The following RNLS variants were observed in gnomAD, a reference collection of about 807,000 sequenced individuals.
RNLS encodes renalase.
RNLS carries 39 observed loss-of-function variants against 39.8 expected under a neutral mutation model. That is an observed-to-expected ratio of 0.98 (90% CI 0.76 to 1.28). RNLS has a LOEUF of 1.28. RNLS is among the 50% of genes most tolerant of loss of function. RNLS has a pLI of 0.00. For synonymous variants in RNLS, 147 were observed against 150.7 expected (o/e 0.98, Z 0.18); for missense variants, 410 against 413.3 (o/e 0.99, Z 0.07).
In RNLS at chr10:88,285,327, C is replaced by T. The variant is rs1476250729; in HGVS notation, c.*27G>A. ...AAATTGTGAAAATAAAAACCCAATA[C>T]ACATGTAGAGAATAAGGATATAGGC... is the stretch of plus-strand genomic sequence containing the variant. On this transcript the variant is annotated 3_prime_UTR_variant, in exon 7 of 7. Transcript: ENST00000331772. 3 of 1,532,804 alleles carry T rather than the reference C, an allele frequency of 2.0e-6. No homozygotes were observed. The highest frequency in any genetic ancestry group is 2.6e-6 in the Non-Finnish European group (3 of 1,133,618). 95.0% of individuals were successfully genotyped at this position (1,532,804 alleles called of 1,614,324 possible).
chr10:88,349,617 T>C (rs1205687862), intron 5 of RNLS, among the ~76,000 whole-genome samples: 1 of 152,160 alleles, frequency 6.6e-6, no homozygotes, highest in East Asian at 1.9e-4. Flanking sequence ...TATTTGGTTT[T>C]AAAAGTGAGA....
the RNLS span, among the ~76,000 whole-genome samples, chr10:88,228,468 A>G: frequency 2.0e-5 from 3 of 152,312 alleles, no homozygotes; most frequent in African/African-American, 7.2e-5. Flanking sequence ...GAACTACCAC[A>G]TACTCTTCCA....
chr10:88,382,491 T>G (rs1309101121), intron 4 of RNLS, among the ~76,000 whole-genome samples: 1 of 152,118 alleles, frequency 6.6e-6, no homozygotes, highest in Admixed American at 6.5e-5. Context: ...GCATCAAAAA[T>G]AATTTTCTGA....
intron 6 of RNLS, among the ~76,000 whole-genome samples, chr10:88,293,005 T>C (rs1292873459): frequency 1.3e-5 from 2 of 152,030 alleles, no homozygotes; most frequent in African/African-American, 4.8e-5. Context: ...GCTGAGATCA[T>C]GCCATTGCAC....
At chr10:88,433,374 G>A (rs1342454) in intron 4 of RNLS, among the ~76,000 whole-genome samples, 5,734 of 152,172 alleles carry the variant, frequency 0.038, 144 homozygotes, top group Middle Eastern at 0.085. Context: ...GCTAGAGTAT[G>A]AGTTTTGGTT....
At chr10:88,391,369 C>G (rs575400786) in intron 4 of RNLS, among the ~76,000 whole-genome samples, 95 of 152,240 alleles carry the variant, frequency 6.2e-4, no homozygotes, top group Non-Finnish European at 1.2e-3. Context: ...ACCATCCTGG[C>G]CAACATGGTG....
At chr10:88,172,883 G>T in the RNLS span, among the ~76,000 whole-genome samples, 1 of 25,224 alleles carries the variant, frequency 4.0e-5, no homozygotes, top group African/African-American at 1.1e-4. Flanking sequence ...TTTAGATGGA[G>T]TCTCGCTCTG....
chr10:88,312,668 T>A (rs966521039), intron 6 of RNLS, among the ~76,000 whole-genome samples: 1 of 152,198 alleles, frequency 6.6e-6, no homozygotes, highest in Non-Finnish European at 1.5e-5. Flanking sequence ...AACAAACTCA[T>A]AAGACTGCTT....
chr10:88,450,519 G>A (rs1173966476), intron 4 of RNLS, among the ~76,000 whole-genome samples: 2 of 152,128 alleles, frequency 1.3e-5, no homozygotes, highest in Non-Finnish European at 2.9e-5. Flanking sequence ...TACTGAGAAG[G>A]CCATAAAACC....
At chr10:88,560,626 G>A (rs1849122472) in intron 4 of RNLS, among the ~76,000 whole-genome samples, 1 of 151,958 alleles carries the variant, frequency 6.6e-6, no homozygotes, top group Non-Finnish European at 1.5e-5. Flanking sequence ...CTCTGGGAGG[G>A]AGCTCCCAGG....
chr10:88,314,379 G>A (rs1845598702), intron 6 of RNLS, 87 bp downstream of exon 6: 2 of 1,332,718 alleles, frequency 1.5e-6, no homozygotes, highest in East Asian at 4.7e-5. Flanking sequence ...TATTTCACTA[G>A]AGAGTGCAAA....
downstream of RNLS, among the ~76,000 whole-genome samples, chr10:88,272,629 A>G (rs985044268): frequency 1.3e-5 from 2 of 152,236 alleles, no homozygotes; most frequent in Non-Finnish European, 2.9e-5. Flanking sequence ...AACTTGGTAC[A>G]GCACAGGCTC....
chr10:88,259,806 T>C, the RNLS span, among the ~76,000 whole-genome samples: 81,007 of 152,028 alleles, frequency 0.53, 23,251 homozygotes, highest in African/African-American at 0.75. Flanking sequence ...TGCAGTGGCG[T>C]GATCGTGGCT....
intron 4 of RNLS, among the ~76,000 whole-genome samples, chr10:88,464,814 A>C (rs1340855187): frequency 6.6e-6 from 1 of 152,124 alleles, no homozygotes; most frequent in Non-Finnish European, 1.5e-5. Flanking sequence ...GGACTTCACA[A>C]GGAGTATGGT....
At chr10:88,199,524 A>G in the RNLS span, among the ~76,000 whole-genome samples, 4 of 152,176 alleles carry the variant, frequency 2.6e-5, no homozygotes, top group South Asian at 8.3e-4. Flanking sequence ...ATCCCACCCC[A>G]TGATGGTACT....
chr10:88,507,783 T>C (rs1164430828), intron 4 of RNLS, among the ~76,000 whole-genome samples: 2 of 152,056 alleles, frequency 1.3e-5, no homozygotes, highest in African/African-American at 4.8e-5. Flanking sequence ...ACATTGAGAG[T>C]TCAAAATTAC....
chr10:88,377,324 G>GACA (rs1030798450), intron 4 of RNLS, among the ~76,000 whole-genome samples: 1 of 151,910 alleles, frequency 6.6e-6, no homozygotes, highest in African/African-American at 2.4e-5. Flanking sequence ...CCCAGTAGAA[G>GACA]ACAACTGTAA....
intron 4 of RNLS, among the ~76,000 whole-genome samples, chr10:88,391,090 C>T (rs1255527356): frequency 2.0e-5 from 3 of 152,106 alleles, no homozygotes; most frequent in South Asian, 4.2e-4. Context: ...CATTTGAATC[C>T]TCTGAAAATA....
At chr10:88,470,954 T>A (rs1486045108) in intron 4 of RNLS, among the ~76,000 whole-genome samples, 1 of 152,116 alleles carries the variant, frequency 6.6e-6, no homozygotes, top group Non-Finnish European at 1.5e-5. Context: ...ATGATAAGCA[T>A]CTTTCCATGC....
Sources: gnomAD v4.1 joint callset for allele counts (sites outside exome capture counted in the v4.1 genomes callset) on GRCh38, gnomAD v4.1.1 for gene constraint, MANE v1.5 for transcripts, NCBI Gene and HGNC (gene_info 2026-07-23, HGNC 2026-07-21) for gene names.